ARID1B: variants seen among roughly 807,000 people sequenced by gnomAD.
The protein encoded by ARID1B is AT-rich interactive domain-containing protein 1B.
A neutral mutation model predicts 212.3 loss-of-function variants in ARID1B; 30 were observed. The ratio of observed to expected loss-of-function variants is 0.14; its 90% CI spans 0.11 to 0.19. The LOEUF (loss-of-function observed/expected upper bound fraction) is 0.19. Ranked by LOEUF, ARID1B falls within the 10% of genes least tolerant of loss-of-function variation. ARID1B has a pLI of 1.00. For synonymous variants in ARID1B, 1,402 were observed against 1,301.7 expected (o/e 1.08, Z -1.66); for missense variants, 2,891 against 3,204.0 (o/e 0.90, Z 2.36).
intron 4 of ARID1B, among the ~76,000 whole-genome samples, chr6:156,962,783 G>T (rs1380289074): frequency 6.6e-6 from 1 of 151,108 alleles, no homozygotes; most frequent in Admixed American, 6.6e-5. Flanking sequence ...ACACCTGGCC[G>T]ATTTCTTTCT....
chr6:157,101,132 A>T (rs994473477), intron 5 of ARID1B, among the ~76,000 whole-genome samples: 1 of 152,234 alleles, frequency 6.6e-6, no homozygotes, highest in African/African-American at 2.4e-5. Flanking sequence ...GCACAAGATG[A>T]ACACGATCAT....
At chr6:157,035,099 C>A (rs1781243666) in intron 4 of ARID1B, among the ~76,000 whole-genome samples, 1 of 152,108 alleles carries the variant, frequency 6.6e-6, no homozygotes, top group Non-Finnish European at 1.5e-5. Context: ...TTGATTTGCT[C>A]TCACCTCAAG....
chr6:157,178,377 C>T (rs928054321), intron 11 of ARID1B, among the ~76,000 whole-genome samples: 2 of 152,116 alleles, frequency 1.3e-5, no homozygotes, highest in Non-Finnish European at 2.9e-5. Flanking sequence ...AGGATCTAGT[C>T]GGAAAAGTGG....
At chr6:156,982,868 T>C (rs564904049) in intron 4 of ARID1B, among the ~76,000 whole-genome samples, 1 of 152,314 alleles carries the variant, frequency 6.6e-6, no homozygotes, top group Admixed American at 6.5e-5. Context: ...TTTTTACTTT[T>C]TACAATCTGT....
chr6:157,120,371 C>T (rs1787625181), intron 6 of ARID1B, among the ~76,000 whole-genome samples: 1 of 152,112 alleles, frequency 6.6e-6, no homozygotes, highest in South Asian at 2.1e-4. Flanking sequence ...TGCCCGGCTC[C>T]AAGTATCAGG....
At position 157,189,741 on chromosome 6, in the gene ARID1B, C is replaced by T; in HGVS notation, c.4019C>T (p.Ser1340Phe). ...GACCTGAAGCCACCTACCCCAGCCT[C>T]CACCCCTCACGGCCAGATGACTCCA... ...PGDLKPPTPA[S>F]TPHGQMTPMQ... Residue 1340 changes from serine to phenylalanine, a missense_variant, in exon 14 of 20, where the codon TCC (serine) becomes TTC (phenylalanine). Ser to Phe is a radical substitution (Grantham distance 155). Around this residue, in one of 7 missense-constraint regions of ARID1B, gnomAD observed 666 missense variants for 873.5 expected, o/e 0.76. Coordinates refer to ENST00000636930, the MANE Select transcript of ARID1B (RefSeq NM_001374828.1). 1.2e-6 allele frequency: 2 copies of T among 1,614,062 alleles called. No homozygotes were observed. The highest frequency in any genetic ancestry group is 1.7e-6 in the Non-Finnish European group (2 of 1,180,014).
At position 156,899,477 on chromosome 6, in the gene ARID1B, G is replaced by T. The variant is rs563686336; in HGVS notation, c.1987-1899G>T. ...TTGGTCCTAAATGGATGAATGAGCC[G>T]TGTGTCTAAAAGGATAGCAAATTGG... On this transcript the variant is annotated intron_variant, in intron 2 of 19. Transcript: ENST00000636930. 2.6e-5 allele frequency among the ~76,000 whole-genome samples: 4 copies of T among 152,268 alleles called. No individual in the cohort carries two copies. In the East Asian group the frequency reaches 7.7e-4, roughly 29 times the overall value.
chr6:156,843,520 G>C (rs566978629), intron 2 of ARID1B, among the ~76,000 whole-genome samples: 1 of 152,092 alleles, frequency 6.6e-6, no homozygotes. Flanking sequence ...TGAGTAGTGC[G>C]CACAGGTAGG....
At position 157,203,384 on chromosome 6, in the gene ARID1B, G is replaced by C. The variant is rs748455551; in HGVS notation, c.5264-482G>C. ...AAGCAGCCTGGGAAGCCAAGGCCGT[G>C]TGTCTGAGGAGGCTGTCTTGGAGTT... On this transcript the variant is annotated intron_variant, in intron 18 of 19. Coordinates refer to ENST00000636930, the MANE Select transcript of ARID1B (RefSeq NM_001374828.1). This position sits in a 1 kb window ranked among gnomAD's most constrained non-coding sequence, Gnocchi z 4.4. 4.0e-4 allele frequency among the ~76,000 whole-genome samples: 61 copies of C among 152,248 alleles called. 1 individual carries two copies. Among genetic ancestry groups the C allele is most frequent in the Non-Finnish European group, 1.0e-4 (7 of 68,050 alleles).
chr6:157,133,231 T>G (rs1253166792), intron 7 of ARID1B, 24 bp downstream of exon 7: 1 of 1,562,012 alleles, frequency 6.4e-7, no homozygotes, highest in Non-Finnish European at 8.6e-7. Context: ...TTCTCCAAAA[T>G]GCATGGCAGC....
intron 3 of ARID1B, among the ~76,000 whole-genome samples, chr6:156,908,472 G>A (rs897577224): frequency 1.2e-4 from 18 of 152,048 alleles, no homozygotes; most frequent in African/African-American, 4.3e-4. Flanking sequence ...TTTATTGTCT[G>A]TATTGTGTGT....
At chr6:157,110,639 A>G (rs564091736) in intron 6 of ARID1B, 78 bp downstream of exon 6, 11 of 1,303,054 alleles carry the variant, frequency 8.4e-6, no homozygotes, top group Non-Finnish European at 1.2e-5. Flanking sequence ...TTACCTATGC[A>G]CCTCCTTATC....
intron 4 of ARID1B, among the ~76,000 whole-genome samples, chr6:156,988,984 A>G (rs116130484): frequency 0.026 from 3,897 of 152,236 alleles, 175 homozygotes; most frequent in African/African-American, 0.09. Flanking sequence ...GCTTGGACCC[A>G]TGGCCACATT....
At chr6:156,853,877 C>G (rs1784740867) in intron 2 of ARID1B, among the ~76,000 whole-genome samples, 1 of 152,166 alleles carries the variant, frequency 6.6e-6, no homozygotes, top group South Asian at 2.1e-4. Context: ...GCTGGGACCA[C>G]AGGCATGTAC....
At chr6:156,893,466 A>T (rs538931150) in intron 2 of ARID1B, among the ~76,000 whole-genome samples, 1 of 152,224 alleles carries the variant, frequency 6.6e-6, no homozygotes, top group Admixed American at 6.5e-5. Context: ...ACTTTTGAGC[A>T]TCAAAGGAGA....
chr6:156,800,917 GA>G (rs367873472), intron 1 of ARID1B, among the ~76,000 whole-genome samples: 174 of 152,172 alleles, frequency 1.1e-3, no homozygotes, highest in African/African-American at 4.0e-3. Context: ...TTAATTAAAT[GA>G]AATTAGTTAA....
At chr6:157,064,765 G>A (rs1224832682) in intron 4 of ARID1B, among the ~76,000 whole-genome samples, 1 of 152,160 alleles carries the variant, frequency 6.6e-6, no homozygotes, top group Non-Finnish European at 1.5e-5. Context: ...CCAGGCTCCG[G>A]CCTCTGCCTG....
chr6:156,795,767 C>T (rs1583055654), intron 1 of ARID1B, among the ~76,000 whole-genome samples: 1 of 152,052 alleles, frequency 6.6e-6, no homozygotes. Flanking sequence ...CCTTCTCTTC[C>T]TTATTATTAC....
At chr6:157,140,207 C>T (rs1378141144) in intron 7 of ARID1B, among the ~76,000 whole-genome samples, 6 of 152,064 alleles carry the variant, frequency 3.9e-5, no homozygotes, top group African/African-American at 7.2e-5. Flanking sequence ...CAGTGGCTCA[C>T]GCCTGTAATC....
Sources: gnomAD v4.1 joint callset for allele counts (sites outside exome capture counted in the v4.1 genomes callset) on GRCh38, gnomAD v4.1.1 for gene constraint, gnomAD v4.1.1 regional missense constraint, Gnocchi (gnomAD v3.1) non-coding constraint, MANE v1.5 for transcripts, NCBI Gene and HGNC (gene_info 2026-07-23, HGNC 2026-07-21) for gene names.